Variants in DCTD observed in about 807,000 individuals in gnomAD.
DCTD encodes the protein dCMP deaminase.
DCTD carries 23 observed loss-of-function variants against 21.0 expected under a neutral mutation model. The ratio of observed to expected loss-of-function variants is 1.09; its 90% CI spans 0.79 to 1.55. DCTD has a LOEUF of 1.55. Among genes scored for constraint, DCTD ranks in the 40% most tolerant of loss-of-function variants. The pLI, the probability that DCTD is intolerant of heterozygous loss-of-function variation, is 0.00. For synonymous variants in DCTD, 71 were observed against 81.1 expected (o/e 0.88, Z 0.67); for missense variants, 224 against 230.0 (o/e 0.97, Z 0.17).
chr4:182,916,583 T>A, intron 1 of DCTD: 1 of 992,614 alleles, frequency 1.0e-6, no homozygotes. Flanking sequence ...GGAACCACGG[T>A]CACCCACTGA....
chr4:182,915,019 C>A lies in DCTD; in HGVS notation c.148G>T (p.Gly50Trp), dbSNP rs1374970068. 6.2e-7 allele frequency: 1 copy of A among 1,614,090 alleles called. No individual in the cohort carries two copies. Among genetic ancestry groups the A allele is most frequent in the African/African-American group, 1.3e-5 (1 of 74,926 alleles). ...CIVNSENKIV[G>W]IGYNGMPNGC... ...TTTGGCATCCCATTGTACCCAATCC[C>A]GACAATCTTGTTTTCTGAATTCACG... The change falls in exon 3 of 6, where the codon GGG becomes TGG. Residue 50 changes from glycine to tryptophan, a missense_variant. By Grantham distance (184) the Gly-to-Trp change is radical (BLOSUM62 -2). Transcript: ENST00000438320.
chr4:182,893,746 C>T (rs970321933), intron 4 of DCTD, among the ~76,000 whole-genome samples: 1 of 152,238 alleles, frequency 6.6e-6, no homozygotes, highest in African/African-American at 2.4e-5. Flanking sequence ...CTGGGCACCG[C>T]GAGGAGAGCT....
In DCTD at chr4:182,893,339, AT is replaced by A. The variant is rs113149715; in HGVS notation, c.362-213del. ...CTAATCTTCCCTCCAGTCTTTATGG[AT>A]TTTTTTTTTAAACAAATGCAAAGGG... On this transcript the variant is annotated intron_variant, in intron 4 of 5. Coordinates refer to ENST00000438320, the MANE Select transcript of DCTD (RefSeq NM_001921.3). Among the ~76,000 whole-genome samples, 522 of 150,782 alleles carry A rather than the reference AT, an allele frequency of 3.5e-3. 4 individuals are homozygous for A. The highest frequency in any genetic ancestry group is 0.01 in the South Asian group (49 of 4,788).
intron 3 of DCTD, among the ~76,000 whole-genome samples, chr4:182,906,106 C>A (rs1448971816): frequency 6.6e-6 from 1 of 152,032 alleles, no homozygotes; most frequent in Non-Finnish European, 1.5e-5. Context: ...GCTGTTTCCA[C>A]TCTTGCCCCA....
chr4:182,901,160 A>G (rs1185749513), intron 3 of DCTD, among the ~76,000 whole-genome samples: 1 of 152,324 alleles, frequency 6.6e-6, no homozygotes, highest in East Asian at 1.9e-4. Context: ...GGTTACTCAG[A>G]TAGGTTTGTT....
At chr4:182,895,287 T>A (rs917333154) in intron 3 of DCTD, among the ~76,000 whole-genome samples, 7 of 152,146 alleles carry the variant, frequency 4.6e-5, no homozygotes, top group Non-Finnish European at 1.0e-4. Flanking sequence ...CCCAGGCTGG[T>A]CTTGAAATCC....
chr4:182,905,364 C>CTGT (rs1194707382), intron 3 of DCTD, among the ~76,000 whole-genome samples: 1 of 139,530 alleles, frequency 7.2e-6, no homozygotes, highest in Admixed American at 7.5e-5. Flanking sequence ...AAGTCTCACT[C>CTGT]TGTTGCCAGG....
At chr4:182,904,685 A>G (rs2152859862) in intron 3 of DCTD, among the ~76,000 whole-genome samples, 1 of 151,970 alleles carries the variant, frequency 6.6e-6, no homozygotes, top group Non-Finnish European at 1.5e-5. Flanking sequence ...TTCTTCTCCC[A>G]CCCCACACAA....
At chr4:182,903,850 T>A (rs1736182953) in intron 3 of DCTD, among the ~76,000 whole-genome samples, 1 of 152,110 alleles carries the variant, frequency 6.6e-6, no homozygotes. Context: ...CAGTCAAGCA[T>A]CTTCTTCAGC....
At chr4:182,912,318 C>T (rs936664804) in intron 3 of DCTD, among the ~76,000 whole-genome samples, 3 of 152,296 alleles carry the variant, frequency 2.0e-5, no homozygotes, top group African/African-American at 7.2e-5. Context: ...CCCATCTTTA[C>T]TGTATTATGG....
rs2152864985 is a variant in DCTD at position 182,914,975 on chromosome 4, C to T, written c.192G>A (p.Val64=). The change falls in exon 3 of 6, where the codon GTG becomes GTA. Residue 64 remains valine (V), a synonymous_variant. Coordinates refer to ENST00000438320, the MANE Select transcript of DCTD (RefSeq NM_001921.3). ...NGMPNGCSDD[V]LPWRRTAENK... Reference sequence around the variant, plus strand: ...TCTCTGCTGTCCTTCTCCAAGGCAACACGTCATCACTGCACCCATTTGGCA... The same window carrying T: ...TCTCTGCTGTCCTTCTCCAAGGCAATACGTCATCACTGCACCCATTTGGCA... 1.2e-6 allele frequency: 2 copies of T among 1,614,214 alleles called. No individual in the cohort carries two copies. Among genetic ancestry groups the T allele is most frequent in the Non-Finnish European group, 1.7e-6 (2 of 1,180,042 alleles).
intron 3 of DCTD, among the ~76,000 whole-genome samples, chr4:182,907,947 C>G (rs114004856): frequency 1.3e-5 from 2 of 151,742 alleles, no homozygotes; most frequent in African/African-American, 4.8e-5. Flanking sequence ...AGGATTCTTT[C>G]GTGTGAATAT....
intron 3 of DCTD, among the ~76,000 whole-genome samples, chr4:182,899,256 A>G (rs980535783): frequency 6.6e-6 from 1 of 151,338 alleles, no homozygotes; most frequent in Non-Finnish European, 1.5e-5. Context: ...CTATTCTAAA[A>G]CCTCTCAGGA....
chr4:182,901,918 T>C (rs557001894), intron 3 of DCTD, among the ~76,000 whole-genome samples: 1 of 152,312 alleles, frequency 6.6e-6, no homozygotes, highest in East Asian at 1.9e-4. Flanking sequence ...TTGCTAAACC[T>C]GGACATGTTG....
At chr4:182,899,690 C>T (rs949921203) in intron 3 of DCTD, among the ~76,000 whole-genome samples, 10 of 152,098 alleles carry the variant, frequency 6.6e-5, no homozygotes, top group African/African-American at 7.2e-5. Context: ...CATGAGCCAC[C>T]GCGCCCGGCC....
Position 182,917,223 on chromosome 4 carries a change from C to G in DCTD, c.-8+88G>C, listed in dbSNP as rs1443582778. On this transcript the variant is annotated intron_variant, in intron 1 of 5. Coordinates refer to ENST00000438320, the MANE Select transcript of DCTD (RefSeq NM_001921.3). This position sits in a 1 kb window ranked among gnomAD's most constrained non-coding sequence, Gnocchi z 4.9. ...CCCCAGGCCCCCGCCCGGCAGCCAG[C>G]GCCCCGCGCCACGCGCTCGGGACGG... 3.0e-6 allele frequency: 3 copies of G among 996,776 alleles called. No individual in the cohort carries two copies. The highest frequency in any genetic ancestry group is 3.6e-6 in the Non-Finnish European group (3 of 838,400). The allele number at this position is 996,776 out of a possible 1,614,324, so 61.7% of individuals were successfully genotyped here.
intron 3 of DCTD, among the ~76,000 whole-genome samples, chr4:182,908,442 GA>G (rs1737091923): frequency 6.6e-6 from 1 of 152,146 alleles, no homozygotes. Context: ...AGGACTTTGG[GA>G]GGCTGAGGCG....
chr4:182,911,528 T>C (rs1462289261), intron 3 of DCTD: 1 of 152,048 alleles, frequency 6.6e-6, no homozygotes, highest in Admixed American at 6.6e-5. Flanking sequence ...GAGACAATGA[T>C]TGGCATTTCA....
chr4:182,915,113 G>A (rs1738481634), intron 2 of DCTD, 55 bp from the exon 3 acceptor site: 1 of 1,610,728 alleles, frequency 6.2e-7, no homozygotes, highest in African/African-American at 1.3e-5. Context: ...GTCTGCCGCT[G>A]TGGAAGCAGG....
Sources: allele counts gnomAD v4.1 joint callset (sites outside exome capture counted in the v4.1 genomes callset), GRCh38; gene constraint gnomAD v4.1.1; non-coding constraint Gnocchi (gnomAD v3.1); transcripts MANE v1.5; gene names NCBI Gene and HGNC (gene_info 2026-07-23, HGNC 2026-07-21).